ATP9B: variants seen among roughly 807,000 people sequenced by gnomAD.
The protein encoded by ATP9B is ATPase phospholipid transporting 9B, also known as probable phospholipid-transporting ATPase IIB.
Under a neutral mutation model 146.1 loss-of-function variants are expected in ATP9B, and 110 were observed. That is an observed-to-expected ratio of 0.75 (90% CI 0.65 to 0.88). The LOEUF is 0.88. Ranked by LOEUF, ATP9B falls within the 40% of genes least tolerant of loss-of-function variation. ATP9B has a pLI of 0.00. For missense variants in ATP9B, 1,499 were observed against 1,496.4 expected, an observed-to-expected ratio of 1.00 and a Z score of -0.03; for synonymous variants, 604 against 569.7, an observed-to-expected ratio of 1.06 and a Z score of -0.86.
At chr18:79,172,683 C>G (rs1200276284) in intron 7 of ATP9B, among the ~76,000 whole-genome samples, 12 of 152,278 alleles carry the variant, frequency 7.9e-5, no homozygotes, top group Non-Finnish European at 1.5e-4. Context: ...CCCTGGAGAT[C>G]CATCCAAGTT....
At chr18:79,294,681 C>G (rs1393711480) in intron 13 of ATP9B, among the ~76,000 whole-genome samples, 1 of 152,214 alleles carries the variant, frequency 6.6e-6, no homozygotes, top group Admixed American at 6.5e-5. Context: ...ACCCTGACTT[C>G]TGTTTAACAT....
intron 12 of ATP9B, among the ~76,000 whole-genome samples, chr18:79,256,284 T>TACATAC (rs1555791834): frequency 8.1e-6 from 1 of 122,898 alleles, no homozygotes; most frequent in African/African-American, 2.9e-5. Context: ...TATATATATA[T>TACATAC]ATACATACAT....
intron 1 of ATP9B, among the ~76,000 whole-genome samples, chr18:79,079,319 A>G (rs1379431387): frequency 6.6e-6 from 1 of 152,178 alleles, no homozygotes; most frequent in Non-Finnish European, 1.5e-5. Flanking sequence ...CCTCTCCAGC[A>G]TCTGTTGTTT....
intron 1 of ATP9B, among the ~76,000 whole-genome samples, chr18:79,093,251 G>GT (rs763860909): frequency 1.2e-4 from 18 of 152,210 alleles, no homozygotes; most frequent in Middle Eastern, 3.4e-3. Flanking sequence ...GAGTCTCTTA[G>GT]TTTTCTTTCA....
At chr18:79,241,783 T>C (rs186675962) in intron 11 of ATP9B, among the ~76,000 whole-genome samples, 86 of 152,392 alleles carry the variant, frequency 5.6e-4, no homozygotes, top group Non-Finnish European at 1.1e-3. Context: ...TGTCTTCTGC[T>C]GGCTGAATAA....
intron 11 of ATP9B, among the ~76,000 whole-genome samples, chr18:79,249,068 G>C (rs938365413): frequency 1.3e-5 from 2 of 148,752 alleles, no homozygotes; most frequent in Non-Finnish European, 3.0e-5. Context: ...TCACTCGTCC[G>C]AGCATTCATT....
chr18:79,248,631 G>T (rs1386561551), intron 11 of ATP9B, among the ~76,000 whole-genome samples: 2 of 152,204 alleles, frequency 1.3e-5, no homozygotes, highest in Non-Finnish European at 2.9e-5. Context: ...TTCTCTGCTA[G>T]TGCAGAGTAG....
At chr18:79,241,225 C>T (rs1408712754) in intron 11 of ATP9B, among the ~76,000 whole-genome samples, 3 of 152,098 alleles carry the variant, frequency 2.0e-5, no homozygotes, top group Admixed American at 6.5e-5. Flanking sequence ...ATTTTGACTG[C>T]GTTTTTTTCT....
intron 1 of ATP9B, among the ~76,000 whole-genome samples, chr18:79,080,507 T>A (rs2073136682): frequency 6.6e-6 from 1 of 152,186 alleles, no homozygotes; most frequent in Admixed American, 6.5e-5. Context: ...CTTTGCTAAG[T>A]TGCTTATCAG....
chr18:79,199,819 T>C lies in ATP9B; in HGVS notation c.954+6556T>C, dbSNP rs143833638. Among the ~76,000 whole-genome samples, 3 of 151,570 alleles carry C rather than the reference T, an allele frequency of 2.0e-5. No individual in the cohort carries two copies. The East Asian group carries it at 5.8e-4, about 29-fold the overall frequency. On this transcript the variant is annotated intron_variant, in intron 9 of 29. Transcript: ENST00000426216. ...ACACACACACACATTAGCCTAGGCC[T>C]ACTCGGATCATCAGTATCACTGTCT...
At chr18:79,125,540 G>C (rs2094270262) in intron 4 of ATP9B, among the ~76,000 whole-genome samples, 2 of 152,186 alleles carry the variant, frequency 1.3e-5, no homozygotes, top group African/African-American at 4.8e-5. Context: ...GTTATTTACA[G>C]TTTTGACTGA....
rs185022686 is a variant in ATP9B, at chr18:79,215,438, A to G, written c.1107+1400A>G. On this transcript the variant is annotated intron_variant, in intron 11 of 29. Transcript: ENST00000426216. Reference sequence around the variant, plus strand: ...TGTGTGTTACATGTTTGCTAAAGTCAAAGAAGAATGCTGCGTTACTATTGA... The same window carrying G: ...TGTGTGTTACATGTTTGCTAAAGTCGAAGAAGAATGCTGCGTTACTATTGA... Among the ~76,000 whole-genome samples the G allele has an allele frequency of 2.5e-4, 38 of 152,312 alleles. 1 individual carries two copies. Among genetic ancestry groups the G allele is most frequent in the East Asian group, 1.9e-3 (10 of 5,180 alleles).
intron 9 of ATP9B, among the ~76,000 whole-genome samples, chr18:79,199,872 G>T (rs755935734): frequency 6.6e-6 from 1 of 152,100 alleles, no homozygotes; most frequent in Non-Finnish European, 1.5e-5. Flanking sequence ...CCTGCTGGAA[G>T]ATCTCCACGT....
chr18:79,191,494 A>T (rs1368838417), intron 8 of ATP9B, among the ~76,000 whole-genome samples: 4 of 152,136 alleles, frequency 2.6e-5, no homozygotes, highest in African/African-American at 4.8e-5. Context: ...TCATGGTTCT[A>T]TGACTGTATT....
intron 2 of ATP9B, among the ~76,000 whole-genome samples, chr18:79,104,986 A>C (rs1484321160): frequency 6.6e-6 from 1 of 152,132 alleles, no homozygotes; most frequent in African/African-American, 2.4e-5. Context: ...AATTGTGATC[A>C]TGTGGAAAAA....
intron 1 of ATP9B, among the ~76,000 whole-genome samples, chr18:79,089,006 A>G (rs76740234): frequency 2.0e-5 from 3 of 152,188 alleles, no homozygotes; most frequent in Non-Finnish European, 4.4e-5. Context: ...TCTTTTTTAC[A>G]TTTGATAAGC....
intron 5 of ATP9B, among the ~76,000 whole-genome samples, chr18:79,133,877 C>T (rs1599794781): frequency 6.6e-6 from 1 of 152,368 alleles, no homozygotes. Context: ...TTACTGGCGG[C>T]CCTGCAGCTC....
rs762337334 is a variant in ATP9B at position 79,303,647 on chromosome 18, G to A, written c.1455G>A (p.Leu485=). Residue 485 remains leucine, a synonymous_variant, in exon 14 of 30, where the codon CTG becomes CTA. Transcript: ENST00000426216. Reference sequence around the variant, plus strand: ...AAATGATATTTAAGCGGCTGCACCTGGGCACCGTGTCCTATGGCGCCGACA... The same window carrying A: ...AAATGATATTTAAGCGGCTGCACCTAGGCACCGTGTCCTATGGCGCCGACA... ...QNEMIFKRLH[L]GTVSYGADTM... The A allele has an allele frequency of 6.2e-7, 1 of 1,614,024 alleles. No individual in the cohort carries two copies. The highest frequency in any genetic ancestry group is 8.5e-7 in the Non-Finnish European group (1 of 1,179,972).
chr18:79,327,536 AGCG>A (rs2096757415), intron 15 of ATP9B, among the ~76,000 whole-genome samples: 1 of 137,898 alleles, frequency 7.3e-6, no homozygotes, highest in African/African-American at 2.9e-5. Flanking sequence ...CTCCGTGGTT[AGCG>A]TGCTCTCCGT....
Sources: gnomAD v4.1 joint callset for allele counts (sites outside exome capture counted in the v4.1 genomes callset) on GRCh38, gnomAD v4.1.1 for gene constraint, MANE v1.5 for transcripts, NCBI Gene and HGNC (gene_info 2026-07-23, HGNC 2026-07-21) for gene names.